TRPM3: variants seen among roughly 807,000 people sequenced by gnomAD.
TRPM3 encodes transient receptor potential cation channel subfamily M member 3.
Under a neutral mutation model 181.2 loss-of-function variants are expected in TRPM3, and 77 were observed. The observed-to-expected ratio is 0.42, with a 90% confidence interval of 0.35 to 0.51. The LOEUF (loss-of-function observed/expected upper bound fraction) is 0.51, where lower values mean the gene tolerates loss of function less well. Ranked by LOEUF, TRPM3 falls within the 20% of genes least tolerant of loss-of-function variation. The pLI is 0.01. For synonymous variants in TRPM3, 745 were observed against 796.4 expected, an observed-to-expected ratio of 0.94 and a Z score of 1.09; for missense variants, 1,759 against 2,196.7, an observed-to-expected ratio of 0.80 and a Z score of 3.98.
At chr9:71,044,831 C>T (rs1361629962) in intron 1 of TRPM3, among the ~76,000 whole-genome samples, 1 of 151,262 alleles carries the variant, frequency 6.6e-6, no homozygotes, top group East Asian at 2.0e-4. Context: ...GCCACCACGC[C>T]CGGCTAATTT....
intron 1 of TRPM3, among the ~76,000 whole-genome samples, chr9:70,949,852 G>A (rs2096978717): frequency 6.6e-6 from 1 of 152,082 alleles, no homozygotes. Flanking sequence ...CTTTTCTAGT[G>A]GTGGAAATCA....
At chr9:71,164,332 G>C (rs73647956) in intron 1 of TRPM3, among the ~76,000 whole-genome samples, 3,171 of 152,276 alleles carry the variant, frequency 0.021, 125 homozygotes, top group African/African-American at 0.073. Flanking sequence ...TGCTGTGTTT[G>C]AATTGACCAG....
chr9:70,965,595 T>C (rs2133864350), intron 1 of TRPM3, among the ~76,000 whole-genome samples: 1 of 152,276 alleles, frequency 6.6e-6, no homozygotes, highest in Admixed American at 6.5e-5. Flanking sequence ...GATTTGTGTA[T>C]GTTGAACCAA....
Position 70,618,992 on chromosome 9 carries a change from C to A in TRPM3, c.2233G>T (p.Ala745Ser). 2 of 1,614,202 alleles carry A rather than the reference C, an allele frequency of 1.2e-6. No individual in the cohort carries two copies. The highest frequency in any genetic ancestry group is 1.6e-4 in the Middle Eastern group (1 of 6,062). The stretch of plus-strand genomic sequence containing the variant: ...GCCACGGCAAGCTGCAGGCACGTGG[C>A]GTTGCTCCAGTTCTTCAGCTCATAC... ...LTYELKNWSN[A>S]TCLQLAVAAK... The change falls in exon 17 of 26, where the codon GCC (alanine) becomes TCC (serine). Residue 745 changes from alanine to serine, a missense_variant. Ala to Ser is a moderately conservative substitution (Grantham distance 99). Transcript: ENST00000677713.
chr9:71,193,391 C>T (rs1587874394), intron 1 of TRPM3, among the ~76,000 whole-genome samples: 1 of 151,862 alleles, frequency 6.6e-6, no homozygotes, highest in African/African-American at 2.4e-5. Flanking sequence ...CATGACTTTA[C>T]CCTCTTCTAT....
intron 1 of TRPM3, among the ~76,000 whole-genome samples, chr9:71,292,787 A>T (rs1327755864): frequency 6.6e-6 from 1 of 151,826 alleles, no homozygotes; most frequent in African/African-American, 2.4e-5. Context: ...ACTTCTACAA[A>T]TTTTTTACAA....
At chr9:71,107,203 C>T (rs138626298) in intron 1 of TRPM3, among the ~76,000 whole-genome samples, 439 of 152,322 alleles carry the variant, frequency 2.9e-3, no homozygotes, top group African/African-American at 9.7e-3. Flanking sequence ...ACTCCACCCA[C>T]GACGTGCCCC....
intron 1 of TRPM3, among the ~76,000 whole-genome samples, chr9:70,875,321 G>A (rs1224848183): frequency 6.6e-6 from 1 of 151,810 alleles, no homozygotes; most frequent in Admixed American, 6.6e-5. Context: ...TATATATAGG[G>A]CCTTTTTTGA....
chr9:70,663,793 C>T (rs192190201), intron 9 of TRPM3, among the ~76,000 whole-genome samples: 14 of 152,222 alleles, frequency 9.2e-5, no homozygotes, highest in East Asian at 1.9e-4. Context: ...AGCTATCTGA[C>T]GCAATTCTGA....
intron 1 of TRPM3, among the ~76,000 whole-genome samples, chr9:70,993,020 G>A (rs1311120061): frequency 6.6e-6 from 1 of 152,156 alleles, no homozygotes; most frequent in Non-Finnish European, 1.5e-5. Flanking sequence ...AGATTTATGT[G>A]CTTGGTTGAG....
chr9:70,886,945 G>A (rs907638384), intron 1 of TRPM3, among the ~76,000 whole-genome samples: 26 of 152,298 alleles, frequency 1.7e-4, no homozygotes, highest in African/African-American at 6.0e-4. Context: ...GATTACAGGT[G>A]TGAACCACCG....
intron 1 of TRPM3, among the ~76,000 whole-genome samples, chr9:71,369,156 AAC>A (rs1396284716): frequency 6.6e-6 from 1 of 152,168 alleles, no homozygotes; most frequent in Admixed American, 6.5e-5. Context: ...AAGAGCAGAG[AAC>A]ACAGATGCCC....
At chr9:71,324,738 CGCATAAAGAAAGTGTGGTA>C (rs2089526999) in intron 1 of TRPM3, among the ~76,000 whole-genome samples, 1 of 151,830 alleles carries the variant, frequency 6.6e-6, no homozygotes, top group Non-Finnish European at 1.5e-5. Flanking sequence ...GGCAGATAAA[CGCATAAAGAAAGTGTGGTA>C]TATATACACA....
chr9:70,950,610 T>G (rs2096987738), intron 1 of TRPM3, among the ~76,000 whole-genome samples: 1 of 152,136 alleles, frequency 6.6e-6, no homozygotes. Context: ...GAATGGCCAC[T>G]CCACAGTGAA....
rs779544288 is a variant in TRPM3 at position 71,377,988 on chromosome 9, A to G, written c.183+68665T>C. ...TTTATCTATTCTAGTATTGATGGAC[A>G]TTTGGATTGTCCAATGACACTATTT... On this transcript the variant is annotated intron_variant, in intron 1 of 24. Coordinates refer to the TRPM3 transcript ENST00000357533. Among the ~76,000 whole-genome samples the G allele has an allele frequency of 3.3e-5, 5 of 152,168 alleles. No individual in the cohort carries two copies. In the East Asian group the frequency reaches 9.7e-4, roughly 29 times the overall value.
intron 1 of TRPM3, among the ~76,000 whole-genome samples, chr9:70,981,567 T>C (rs1248716801): frequency 6.6e-6 from 1 of 152,170 alleles, no homozygotes; most frequent in African/African-American, 2.4e-5. Context: ...TCCATCACTT[T>C]AGGCACCTTC....
chr9:70,641,953 G>A (rs1325642128), intron 9 of TRPM3, among the ~76,000 whole-genome samples: 1 of 152,134 alleles, frequency 6.6e-6, no homozygotes, highest in East Asian at 1.9e-4. Flanking sequence ...ACATGGCTGG[G>A]GTGTGAGACT....
chr9:71,405,175 T>C (rs2093414169), intron 1 of TRPM3, among the ~76,000 whole-genome samples: 1 of 152,230 alleles, frequency 6.6e-6, no homozygotes, highest in Non-Finnish European at 1.5e-5. Flanking sequence ...AAAATGATAA[T>C]TATTCCTTGT....
At chr9:71,416,505 G>A (rs961658137) in intron 1 of TRPM3, among the ~76,000 whole-genome samples, 4 of 151,764 alleles carry the variant, frequency 2.6e-5, no homozygotes, top group African/African-American at 9.7e-5. Flanking sequence ...AATATAGCTG[G>A]TTTCCTGGAT....
Sources: gnomAD v4.1 joint callset for allele counts (sites outside exome capture counted in the v4.1 genomes callset) on GRCh38, gnomAD v4.1.1 for gene constraint, MANE v1.5 for transcripts, NCBI Gene and HGNC (gene_info 2026-07-23, HGNC 2026-07-21) for gene names.